The following MKLN1 variants were observed in gnomAD, a reference collection of about 807,000 sequenced individuals.
MKLN1 encodes muskelin 1.
A neutral mutation model predicts 99.0 loss-of-function variants in MKLN1; 18 were observed. That is an observed-to-expected ratio of 0.18 (90% CI 0.13 to 0.27). The LOEUF (loss-of-function observed/expected upper bound fraction) is 0.27. Ranked by LOEUF, MKLN1 falls within the 10% of genes least tolerant of loss-of-function variation. The pLI, the probability that MKLN1 is intolerant of heterozygous loss-of-function variation, is 1.00. For synonymous variants in MKLN1, 288 were observed against 293.2 expected, an observed-to-expected ratio of 0.98 and a Z score of 0.18; for missense variants, 621 against 875.9, an observed-to-expected ratio of 0.71 and a Z score of 3.67.
intron 4 of MKLN1, among the ~76,000 whole-genome samples, chr7:131,395,065 A>G (rs1336657309): frequency 2.6e-5 from 4 of 152,134 alleles, no homozygotes; most frequent in African/African-American, 7.3e-5. Context: ...GTTGGGAATC[A>G]GTTAAGCTCA....
At chr7:131,440,220 G>A (rs1795798936) in intron 10 of MKLN1, among the ~76,000 whole-genome samples, 1 of 152,190 alleles carries the variant, frequency 6.6e-6, no homozygotes, top group Non-Finnish European at 1.5e-5. Flanking sequence ...TAAAAGTGAA[G>A]GAAACACAGT....
intron 10 of MKLN1, among the ~76,000 whole-genome samples, chr7:131,442,310 G>A (rs898342770): frequency 2.0e-5 from 3 of 152,228 alleles, no homozygotes; most frequent in Non-Finnish European, 2.9e-5. Context: ...CACTTTGGGA[G>A]GCCGAGGCAG....
intron 3 of MKLN1, among the ~76,000 whole-genome samples, chr7:131,315,920 C>T (rs578035246): frequency 2.0e-5 from 3 of 152,326 alleles, no homozygotes; most frequent in Non-Finnish European, 4.4e-5. Context: ...ATAAAACTCT[C>T]ACCTCCCTGG....
chr7:131,197,062 C>T (rs1034622926), intron 2 of MKLN1, among the ~76,000 whole-genome samples: 1 of 152,164 alleles, frequency 6.6e-6, no homozygotes, highest in African/African-American at 2.4e-5. Context: ...CTGTTTAATT[C>T]TCAGAGCTGG....
rs1797443997 is a variant in MKLN1 at position 131,492,257 on chromosome 7, C to T, written c.*4529C>T. 1 of 152,022 alleles carries T rather than the reference C, an allele frequency of 6.6e-6. No individual in the cohort carries two copies. Among genetic ancestry groups the T allele is most frequent in the South Asian group, 2.1e-4 (1 of 4,818 alleles). 9.4% of individuals were successfully genotyped at this position (152,022 alleles called of 1,614,324 possible). ...TTAACCTTTTTGTTTCTATTCCTAC[C>T]TCCCATGAGTAACATTGATTTCTGC... is the stretch of plus-strand genomic sequence containing the variant. On this transcript the variant is annotated 3_prime_UTR_variant, in exon 18 of 18. Coordinates refer to ENST00000352689, the MANE Select transcript of MKLN1 (RefSeq NM_013255.5).
Position 131,332,734 on chromosome 7 carries a change from T to C in MKLN1, c.98+4737T>C, listed in dbSNP as rs180987848. On this transcript the variant is annotated intron_variant, in intron 1 of 17. Coordinates refer to ENST00000352689, the MANE Select transcript of MKLN1 (RefSeq NM_013255.5). ...TTAACATATAGTAAATACTTCCTTA[T>C]GTTATTAAATATTCTTCTATATTGT... is the stretch of plus-strand genomic sequence containing the variant. 1.9e-3 allele frequency among the ~76,000 whole-genome samples: 282 copies of C among 152,150 alleles called. 3 individuals are homozygous for C. Among genetic ancestry groups the C allele is most frequent in the African/African-American group, 6.6e-3 (276 of 41,532 alleles).
At chr7:131,280,996 G>C (rs770548034) in intron 3 of MKLN1, among the ~76,000 whole-genome samples, 1 of 152,126 alleles carries the variant, frequency 6.6e-6, no homozygotes, top group Non-Finnish European at 1.5e-5. Flanking sequence ...CCTGTGGACT[G>C]TCTTTTCACT....
chr7:131,222,944 A>G (rs1220977834), intron 3 of MKLN1, among the ~76,000 whole-genome samples: 1 of 151,942 alleles, frequency 6.6e-6, no homozygotes, highest in Non-Finnish European at 1.5e-5. Flanking sequence ...TGGGAGGCTG[A>G]GGCATGAGAA....
At chr7:131,457,058 A>G (rs1451576191) in intron 12 of MKLN1, among the ~76,000 whole-genome samples, 1 of 152,122 alleles carries the variant, frequency 6.6e-6, no homozygotes, top group African/African-American at 2.4e-5. Flanking sequence ...CAGGCAGATA[A>G]CCTGAGGTCG....
chr7:131,277,993 T>C (rs916666925), intron 3 of MKLN1, among the ~76,000 whole-genome samples: 1 of 152,146 alleles, frequency 6.6e-6, no homozygotes, highest in Non-Finnish European at 1.5e-5. Context: ...TTTAGGGCAA[T>C]TTTCTTTAGT....
At chr7:131,315,359 G>A (rs1252433999) in intron 3 of MKLN1, among the ~76,000 whole-genome samples, 11 of 152,202 alleles carry the variant, frequency 7.2e-5, no homozygotes, top group Admixed American at 2.0e-4. Context: ...GTGAGGGACT[G>A]TGCTACCCAG....
chr7:131,321,904 G>A (rs1474408233), intron 3 of MKLN1, among the ~76,000 whole-genome samples: 2 of 152,228 alleles, frequency 1.3e-5, no homozygotes, highest in Admixed American at 6.5e-5. Flanking sequence ...CAGCTTCTCA[G>A]CTGGTTACTC....
In MKLN1 at chr7:131,471,487, C is replaced by G. The variant is rs191035973; in HGVS notation, c.2031+543C>G. On this transcript the variant is annotated intron_variant, in intron 16 of 17. Coordinates refer to ENST00000352689, the MANE Select transcript of MKLN1 (RefSeq NM_013255.5). ...TTGCTAAGATTGAGAAATCAGTTAG[C>G]CAATCATTACTTTTCAGTTTTTTGT... 2.2e-4 allele frequency among the ~76,000 whole-genome samples: 34 copies of G among 152,248 alleles called. 1 individual carries two copies. The highest frequency in any genetic ancestry group is 2.9e-5 in the Non-Finnish European group (2 of 68,020).
At chr7:131,405,294 T>C (rs188216086) in intron 6 of MKLN1, among the ~76,000 whole-genome samples, 239 of 151,756 alleles carry the variant, frequency 1.6e-3, no homozygotes, top group African/African-American at 5.6e-3. Flanking sequence ...AATTTTTGGT[T>C]TGTTCATCTT....
chr7:131,192,097 T>TATAC (rs1397719421), intron 2 of MKLN1, among the ~76,000 whole-genome samples: 1 of 76,858 alleles, frequency 1.3e-5, no homozygotes, highest in African/African-American at 5.8e-5. Flanking sequence ...TATATATATA[T>TATAC]GTATATATAT....
intron 1 of MKLN1, among the ~76,000 whole-genome samples, chr7:131,356,778 C>T (rs985744215): frequency 2.6e-5 from 4 of 152,134 alleles, no homozygotes; most frequent in Non-Finnish European, 4.4e-5. Context: ...AAATCGTGTG[C>T]GCCAAATATG....
At chr7:131,444,778 T>A (rs537661539) in intron 11 of MKLN1, among the ~76,000 whole-genome samples, 101 of 139,398 alleles carry the variant, frequency 7.2e-4, no homozygotes, top group Non-Finnish European at 1.1e-3. Flanking sequence ...GTAGTAGTAG[T>A]AGTAGTAGTA....
At chr7:131,404,921 G>A (rs1409330184) in intron 6 of MKLN1, among the ~76,000 whole-genome samples, 6 of 103,672 alleles carry the variant, frequency 5.8e-5, no homozygotes, top group African/African-American at 2.5e-4. Flanking sequence ...TTTTATACTT[G>A]GTTAAAACAA....
chr7:131,378,243 C>T (rs1404875192), intron 2 of MKLN1, among the ~76,000 whole-genome samples: 1 of 152,178 alleles, frequency 6.6e-6, no homozygotes, highest in Non-Finnish European at 1.5e-5. Context: ...TCCCGAGTAG[C>T]TGGGATTATA....
Sources: allele counts gnomAD v4.1 joint callset (sites outside exome capture counted in the v4.1 genomes callset), GRCh38; gene constraint gnomAD v4.1.1; transcripts MANE v1.5; gene names NCBI Gene and HGNC (gene_info 2026-07-23, HGNC 2026-07-21).